The following GRID1 variants were observed in gnomAD, a reference collection of about 807,000 sequenced individuals.
GRID1 encodes glutamate receptor ionotropic, delta-1.
In GRID1, 28 loss-of-function variants were observed where a neutral mutation model predicts 98.0. The ratio of observed to expected loss-of-function variants is 0.29; its 90% CI spans 0.21 to 0.39. The LOEUF (loss-of-function observed/expected upper bound fraction) is 0.39, where lower values mean the gene tolerates loss of function less well. GRID1 is among the 10% of genes least tolerant of loss of function. GRID1 has a pLI of 1.00. For synonymous variants in GRID1, 553 were observed against 538.5 expected (o/e 1.03, Z -0.37); for missense variants, 1,111 against 1,340.5 (o/e 0.83, Z 2.67).
intron 13 of GRID1, among the ~76,000 whole-genome samples, chr10:85,631,021 G>A (rs1180719090): frequency 6.6e-6 from 1 of 152,174 alleles, no homozygotes; most frequent in African/African-American, 2.4e-5. Flanking sequence ...TTAAAGGAAA[G>A]TCACACTGAA....
chr10:85,959,148 T>A (rs1161190598), intron 4 of GRID1, among the ~76,000 whole-genome samples: 1 of 152,098 alleles, frequency 6.6e-6, no homozygotes, highest in Non-Finnish European at 1.5e-5. Flanking sequence ...TGACTGCACA[T>A]CTTGGGATTT....
intron 2 of GRID1, among the ~76,000 whole-genome samples, chr10:86,236,804 C>A (rs1846547211): frequency 1.3e-5 from 2 of 152,142 alleles, no homozygotes; most frequent in Non-Finnish European, 2.9e-5. Flanking sequence ...ATGTGCATGG[C>A]AAATCCTGGG....
chr10:86,215,533 C>A (rs1161301984), intron 2 of GRID1, among the ~76,000 whole-genome samples: 1 of 152,190 alleles, frequency 6.6e-6, no homozygotes, highest in Non-Finnish European at 1.5e-5. Flanking sequence ...CCAGGATTCA[C>A]ATGGAAGCCT....
At position 85,600,360 on chromosome 10, in the gene GRID1, T is replaced by C. The variant is rs1163090616; in HGVS notation, c.*1913A>G. 1 of 152,090 alleles carries C rather than the reference T, an allele frequency of 6.6e-6. No homozygotes were observed. The highest frequency in any genetic ancestry group is 1.5e-5 in the Non-Finnish European group (1 of 68,032). 9.4% of individuals were successfully genotyped at this position (152,090 alleles called of 1,614,324 possible). On this transcript the variant is annotated 3_prime_UTR_variant, in exon 16 of 16. Transcript: ENST00000327946. ...CAATAAATAACATAATTATAAACAC[T>C]CTCTTCCCCACAGTGCTTTTAGCTG...
At chr10:85,696,112 A>G (rs1387995311) in intron 12 of GRID1, among the ~76,000 whole-genome samples, 2 of 152,192 alleles carry the variant, frequency 1.3e-5, no homozygotes, top group East Asian at 1.9e-4. Flanking sequence ...TAACATATGT[A>G]TAGGGTATAT....
intron 12 of GRID1, among the ~76,000 whole-genome samples, chr10:85,653,798 G>A (rs1056887846): frequency 3.9e-5 from 6 of 152,238 alleles, no homozygotes; most frequent in South Asian, 2.1e-4. Flanking sequence ...TTGGGCCCCC[G>A]TCCGTGTGAT....
rs1469836206 is a variant in GRID1 at position 85,916,911 on chromosome 10, C to T, written c.727-672G>A. Among the ~76,000 whole-genome samples, 2 of 152,214 alleles carry T rather than the reference C, an allele frequency of 1.3e-5. No homozygotes were observed. Among genetic ancestry groups the T allele is most frequent in the Non-Finnish European group, 2.9e-5 (2 of 68,038 alleles). ...CTAGAATATTTCTTATTGTCTATCT[C>T]CTCTGCCATTATGTCAAAGGCCATA... On this transcript the variant is annotated intron_variant, in intron 4 of 15. Coordinates refer to ENST00000327946, the MANE Select transcript of GRID1 (RefSeq NM_017551.3). This position sits in a 1 kb window ranked among gnomAD's most constrained non-coding sequence, Gnocchi z 4.0.
intron 4 of GRID1, among the ~76,000 whole-genome samples, chr10:86,060,007 GA>G (rs1843627385): frequency 6.6e-6 from 1 of 152,212 alleles, no homozygotes; most frequent in African/African-American, 2.4e-5. Context: ...AACTATGATG[GA>G]AGTGGAGATT....
chr10:86,297,046 C>T (rs1847604271), intron 2 of GRID1, among the ~76,000 whole-genome samples: 1 of 152,114 alleles, frequency 6.6e-6, no homozygotes, highest in Non-Finnish European at 1.5e-5. Context: ...CCAGATGGGA[C>T]TTTATGTTAT....
intron 8 of GRID1, among the ~76,000 whole-genome samples, chr10:85,838,323 T>G (rs111746207): frequency 2.0e-5 from 3 of 152,136 alleles, no homozygotes; most frequent in Non-Finnish European, 2.9e-5. Context: ...CCCAGTCAGA[T>G]AGTTCACAAG....
chr10:86,123,993 C>A (rs756168093), intron 4 of GRID1, among the ~76,000 whole-genome samples: 9 of 152,328 alleles, frequency 5.9e-5, no homozygotes, highest in Non-Finnish European at 7.4e-5. Flanking sequence ...AGGCAGGGAG[C>A]TACCCATCCA....
At chr10:85,766,883 T>C (rs1842203373) in intron 8 of GRID1, among the ~76,000 whole-genome samples, 1 of 152,176 alleles carries the variant, frequency 6.6e-6, no homozygotes, top group Admixed American at 6.5e-5. Context: ...AATTTCATAT[T>C]CTTTTCCTTA....
At chr10:85,708,268 G>A (rs1345983346) in intron 12 of GRID1, among the ~76,000 whole-genome samples, 1 of 152,082 alleles carries the variant, frequency 6.6e-6, no homozygotes, top group East Asian at 1.9e-4. Context: ...GCCAGGCGTG[G>A]TGGTGGGCGC....
At chr10:86,068,484 C>G (rs997559544) in intron 4 of GRID1, among the ~76,000 whole-genome samples, 1 of 152,194 alleles carries the variant, frequency 6.6e-6, no homozygotes, top group Non-Finnish European at 1.5e-5. Context: ...AAGAAACTAA[C>G]CACTTGCCAC....
intron 8 of GRID1, among the ~76,000 whole-genome samples, chr10:85,823,305 T>C (rs1254390349): frequency 6.6e-6 from 1 of 152,306 alleles, no homozygotes; most frequent in East Asian, 1.9e-4. Flanking sequence ...TTGTGATTTG[T>C]AAAATATGAC....
intron 4 of GRID1, among the ~76,000 whole-genome samples, chr10:86,023,719 A>G (rs35501751): frequency 0.072 from 10,981 of 152,156 alleles, 500 homozygotes; most frequent in Non-Finnish European, 0.11. Context: ...ATCATGTATG[A>G]TTTACACAGC....
chr10:85,821,950 T>C (rs1842776770), intron 8 of GRID1, among the ~76,000 whole-genome samples: 1 of 152,110 alleles, frequency 6.6e-6, no homozygotes, highest in South Asian at 2.1e-4. Flanking sequence ...GATTCCCTAT[T>C]TAATAAATGG....
chr10:85,623,529 A>C (rs1376861069), intron 13 of GRID1, among the ~76,000 whole-genome samples: 1 of 152,156 alleles, frequency 6.6e-6, no homozygotes, highest in African/African-American at 2.4e-5. Context: ...TGGCTTCCCC[A>C]CTACGGGGGG....
intron 5 of GRID1, among the ~76,000 whole-genome samples, chr10:85,896,179 C>A (rs1589291106): frequency 1.3e-5 from 2 of 151,970 alleles, no homozygotes; most frequent in Admixed American, 6.6e-5. Flanking sequence ...AGTTTCGTGG[C>A]TTTTCTGTCT....
Sources: allele counts gnomAD v4.1 joint callset (sites outside exome capture counted in the v4.1 genomes callset), GRCh38; gene constraint gnomAD v4.1.1; non-coding constraint Gnocchi (gnomAD v3.1); transcripts MANE v1.5; gene names NCBI Gene and HGNC (gene_info 2026-07-23, HGNC 2026-07-21).